Variants in SND1 observed in about 807,000 individuals in gnomAD.
SND1 encodes staphylococcal nuclease and tudor domain containing 1.
SND1 carries 38 observed loss-of-function variants against 121.7 expected under a neutral mutation model. The ratio of observed to expected loss-of-function variants is 0.31; its 90% confidence interval spans 0.24 to 0.41. SND1 has a LOEUF of 0.41. Ranked by LOEUF, SND1 falls within the 10% of genes least tolerant of loss-of-function variation. The probability of loss-of-function intolerance (pLI) is 1.00; values close to 1 mark genes in which losing one functional copy is unlikely to be tolerated. For synonymous variants in SND1, 401 were observed against 447.4 expected (o/e 0.90, Z 1.31); for missense variants, 868 against 1,184.6 (o/e 0.73, Z 3.92).
At chr7:128,039,451 C>T (rs933731812) in intron 16 of SND1, among the ~76,000 whole-genome samples, 2 of 152,102 alleles carry the variant, frequency 1.3e-5, no homozygotes, top group African/African-American at 4.8e-5. Flanking sequence ...GCTCTACTTA[C>T]ATTCTTTGAA....
At chr7:127,975,356 C>T (rs183894772) in intron 15 of SND1, among the ~76,000 whole-genome samples, 13 of 150,536 alleles carry the variant, frequency 8.6e-5, no homozygotes, top group African/African-American at 2.4e-4. Context: ...TGCGCACGCG[C>T]GTGTGTATGT....
Position 128,085,929 on chromosome 7 carries a change from C to A in SND1, c.2304+149C>A. On this transcript the variant is annotated intron_variant, in intron 20 of 23. Transcript: ENST00000354725. This position sits in a 1 kb window ranked among gnomAD's most constrained non-coding sequence, Gnocchi z 4.4. ...CTGCTGTGCGTGTAACAGGCCAGGC[C>A]CCCTCAGTGACCTGGCAAAACTGGG... 1.4e-6 allele frequency: 1 copy of A among 705,588 alleles called. No individual in the cohort carries two copies. Among genetic ancestry groups the A allele is most frequent in the Non-Finnish European group, 2.4e-6 (1 of 418,790 alleles). The allele number at this position is 705,588 out of a possible 1,614,324, so 43.7% of individuals were successfully genotyped here. A position where few individuals can be genotyped will look rare whatever the true frequency, so the allele number is the denominator to read the frequency against.
chr7:127,747,361 C>G (rs964336675), intron 10 of SND1, among the ~76,000 whole-genome samples: 3 of 152,156 alleles, frequency 2.0e-5, no homozygotes, highest in Admixed American at 6.5e-5. Flanking sequence ...GCCCTTGTCT[C>G]TCTGAGGAAT....
In SND1 at chr7:127,686,556, G is replaced by A. The variant is rs1377122424; in HGVS notation, c.79-57G>A. 1.5e-5 allele frequency: 24 copies of A among 1,571,732 alleles called. 2 individuals are homozygous for A. The East Asian group carries it at 3.0e-4, about 19-fold the overall frequency. ...TTGGGGATACGGTGGTACACAACCT[G>A]CATTATGGTGATACGGCCTCTGGAC... On this transcript the variant is annotated intron_variant, in intron 1 of 23. Transcript: ENST00000354725.
intron 16 of SND1, among the ~76,000 whole-genome samples, chr7:127,994,890 G>T (rs1437919870): frequency 5.6e-4 from 84 of 150,364 alleles, no homozygotes; most frequent in African/African-American, 1.8e-3. Flanking sequence ...TTTTTTTTTT[G>T]TTTTTGTATT....
chr7:128,012,508 G>A (rs1057277371), intron 16 of SND1, among the ~76,000 whole-genome samples: 2 of 152,174 alleles, frequency 1.3e-5, no homozygotes, highest in Non-Finnish European at 2.9e-5. Context: ...TTTGCCTAAA[G>A]CTGGGGCAAG....
rs1800221809 is a variant in SND1, at chr7:127,901,035, C to T, written c.1455-3712C>T. 2.6e-5 allele frequency among the ~76,000 whole-genome samples: 4 copies of T among 152,108 alleles called. No individual in the cohort carries two copies. The South Asian group carries it at 8.3e-4, about 32-fold the overall frequency. On this transcript the variant is annotated intron_variant, in intron 13 of 23. Transcript: ENST00000354725. ...AGGGATGCAGACTTGTGGCTGAGGCCAACAGGGAAAGGCAGTATGGGGAGC... is the reference window on the plus strand; with the variant it reads ...AGGGATGCAGACTTGTGGCTGAGGCTAACAGGGAAAGGCAGTATGGGGAGC...
chr7:127,808,128 GT>G (rs1450904669), intron 11 of SND1, among the ~76,000 whole-genome samples: 3 of 147,616 alleles, frequency 2.0e-5, no homozygotes, highest in Admixed American at 2.0e-4. Context: ...CTTCCTGATA[GT>G]TCATGTGCAG....
chr7:128,073,152 G>T (rs879730754), intron 16 of SND1, among the ~76,000 whole-genome samples: 12 of 152,212 alleles, frequency 7.9e-5, no homozygotes, highest in Non-Finnish European at 1.3e-4. Flanking sequence ...AGGAGGCAGT[G>T]TAGAGAAGGC....
At chr7:127,826,350 G>A (rs1175106107) in intron 11 of SND1, among the ~76,000 whole-genome samples, 1 of 151,810 alleles carries the variant, frequency 6.6e-6, no homozygotes. Flanking sequence ...GAACTATGGT[G>A]ATGTGGTTTT....
chr7:127,872,626 A>ATG (rs1563042905), intron 12 of SND1, among the ~76,000 whole-genome samples: 1 of 99,098 alleles, frequency 1.0e-5, no homozygotes, highest in African/African-American at 4.7e-5. Flanking sequence ...TTTAACACAC[A>ATG]CGCACACACA....
chr7:127,922,232 G>A (rs1355232960), intron 14 of SND1, among the ~76,000 whole-genome samples: 3 of 117,192 alleles, frequency 2.6e-5, no homozygotes, highest in African/African-American at 1.0e-4. Flanking sequence ...CCACTGTGAT[G>A]GCCAGGCTGG....
chr7:127,762,390 C>T (rs546012103), intron 10 of SND1, among the ~76,000 whole-genome samples: 14 of 152,320 alleles, frequency 9.2e-5, no homozygotes, highest in African/African-American at 2.6e-4. Flanking sequence ...TGACTGCCCC[C>T]TTGCTGTCTC....
At chr7:127,835,060 T>A (rs1446596198) in intron 11 of SND1, among the ~76,000 whole-genome samples, 1 of 152,222 alleles carries the variant, frequency 6.6e-6, no homozygotes, top group African/African-American at 2.4e-5. Flanking sequence ...TTGATTAGAT[T>A]TCCCTGGTAT....
intron 13 of SND1, among the ~76,000 whole-genome samples, chr7:127,888,983 G>A (rs902164431): frequency 1.3e-5 from 2 of 152,076 alleles, no homozygotes; most frequent in Non-Finnish European, 1.5e-5. Context: ...CCTGATATGT[G>A]ACATTTACCT....
intron 1 of SND1, among the ~76,000 whole-genome samples, chr7:127,662,890 CTTTTTTTTTTTT>C: frequency 1.6e-5 from 2 of 122,504 alleles, no homozygotes; most frequent in Admixed American, 1.7e-4. Context: ...CCTCTTTTAT[CTTTTTTTTTTTT>C]TTTTTTTTGA....
rs117102542 is a variant in SND1, at chr7:127,931,055, A to G, written c.1669+1726A>G. 6.3e-4 allele frequency among the ~76,000 whole-genome samples: 96 copies of G among 152,306 alleles called. No homozygotes were observed. The East Asian group carries it at 0.016, about 25-fold the overall frequency. Reference sequence around the variant, plus strand: ...TCGGGTCGCCATGAACCACAGTCATATAAGATGGTAAACTTAATTGATAAA... The same window carrying G: ...TCGGGTCGCCATGAACCACAGTCATGTAAGATGGTAAACTTAATTGATAAA... On this transcript the variant is annotated intron_variant, in intron 15 of 23. Coordinates refer to ENST00000354725, the MANE Select transcript of SND1 (RefSeq NM_014390.4).
chr7:127,955,553 T>C (rs943811588), intron 15 of SND1, among the ~76,000 whole-genome samples: 3 of 152,068 alleles, frequency 2.0e-5, no homozygotes, highest in African/African-American at 4.8e-5. Context: ...GTGGTAAAAT[T>C]ATCTAGGATT....
rs534618165 is a variant in SND1 at position 127,960,091 on chromosome 7, C to T, written c.1669+30762C>T. On this transcript the variant is annotated intron_variant, in intron 15 of 23. Transcript: ENST00000354725. The stretch of plus-strand genomic sequence containing the variant: ...CTGGCCATTCGTCTCTGGAACTTAC[C>T]GGGTGGCAAGACCAATCTAGCAGCA... Among the ~76,000 whole-genome samples the T allele has an allele frequency of 4.6e-5, 7 of 152,278 alleles. No homozygotes were observed. The South Asian group carries it at 8.3e-4, about 18-fold the overall frequency.
Sources: gnomAD v4.1 joint callset for allele counts (sites outside exome capture counted in the v4.1 genomes callset) on GRCh38, gnomAD v4.1.1 for gene constraint, Gnocchi (gnomAD v3.1) non-coding constraint, MANE v1.5 for transcripts, NCBI Gene and HGNC (gene_info 2026-07-23, HGNC 2026-07-21) for gene names.